Variants in MAPKAP1 observed in about 807,000 individuals in gnomAD.
The protein encoded by MAPKAP1 is target of rapamycin complex 2 subunit MAPKAP1.
Under a neutral mutation model 65.7 loss-of-function variants are expected in MAPKAP1, and 20 were observed. The ratio of observed to expected loss-of-function variants is 0.30; its 90% CI spans 0.21 to 0.44. The LOEUF is 0.44. MAPKAP1 is among the 20% of genes least tolerant of loss of function. The pLI is 1.00. For missense variants in MAPKAP1, 423 were observed against 648.0 expected, an observed-to-expected ratio of 0.65 and a Z score of 3.77; for synonymous variants, 222 against 244.3, an observed-to-expected ratio of 0.91 and a Z score of 0.85.
chr9:125,537,950 T>C (rs933002813), intron 7 of MAPKAP1, among the ~76,000 whole-genome samples: 2 of 152,156 alleles, frequency 1.3e-5, no homozygotes, highest in Non-Finnish European at 2.9e-5. Context: ...CACCTCCCCA[T>C]GGCCTTGAGT....
At chr9:125,684,987 G>C (rs1004658871) in intron 1 of MAPKAP1, among the ~76,000 whole-genome samples, 7 of 152,150 alleles carry the variant, frequency 4.6e-5, no homozygotes, top group African/African-American at 1.4e-4. Flanking sequence ...CCCTCCATGT[G>C]CCCATTTCAC....
chr9:125,441,812 T>C (rs1382019393), intron 11 of MAPKAP1, among the ~76,000 whole-genome samples: 1 of 152,090 alleles, frequency 6.6e-6, no homozygotes, highest in Non-Finnish European at 1.5e-5. Flanking sequence ...TGGATAAAAC[T>C]AAGTATTCCA....
Position 125,438,991 on chromosome 9 carries a change from G to A in MAPKAP1, c.1465C>T (p.Arg489Ter). 6 of 1,613,846 alleles carry A rather than the reference G, an allele frequency of 3.7e-6. No individual in the cohort carries two copies. Among genetic ancestry groups the A allele is most frequent in the Non-Finnish European group, 3.4e-6 (4 of 1,179,958 alleles). The change falls in exon 12 of 12, where the codon CGA becomes TGA. Residue 489 changes from arginine to a stop codon, truncating the protein, a stop_gained. Coordinates refer to ENST00000265960, the MANE Select transcript of MAPKAP1 (RefSeq NM_001006617.3). LOFTEE classifies it high-confidence loss of function. ...VLKVNYILES[R>*]ASTARADYFA... ...TAGTCAGCCCGGGCAGTGCTAGCTCGCGATTCCAGGATGTAGTTAACCTAG... is the reference window on the plus strand; with the variant it reads ...TAGTCAGCCCGGGCAGTGCTAGCTCACGATTCCAGGATGTAGTTAACCTAG...
chr9:125,553,339 C>T (rs1164017706), intron 6 of MAPKAP1, among the ~76,000 whole-genome samples: 1 of 152,126 alleles, frequency 6.6e-6, no homozygotes, highest in Non-Finnish European at 1.5e-5. Context: ...GTCAGGACTT[C>T]GAGACCAGCC....
At chr9:125,503,899 T>A in intron 8 of MAPKAP1, among the ~76,000 whole-genome samples, 2 of 130,676 alleles carry the variant, frequency 1.5e-5, no homozygotes, top group Non-Finnish European at 3.3e-5. Context: ...TTTTTTTTTT[T>A]TTTTTTTTTG....
intron 10 of MAPKAP1, among the ~76,000 whole-genome samples, chr9:125,455,938 G>A (rs527278986): frequency 7.9e-5 from 12 of 152,302 alleles, no homozygotes; most frequent in East Asian, 1.9e-4. Flanking sequence ...GTTTAGTGGC[G>A]ACAAATTATT....
chr9:125,645,766 GT>G (rs1564599324), intron 4 of MAPKAP1, among the ~76,000 whole-genome samples: 1 of 146,178 alleles, frequency 6.8e-6, no homozygotes, highest in Non-Finnish European at 1.5e-5. Context: ...AAAGTACCAA[GT>G]TTCCTTGACA....
At chr9:125,694,018 A>AT (rs950774037) in intron 1 of MAPKAP1, among the ~76,000 whole-genome samples, 1 of 151,258 alleles carries the variant, frequency 6.6e-6, no homozygotes, top group African/African-American at 2.4e-5. Flanking sequence ...TTGTATTAAA[A>AT]TTTTTTTTTA....
At chr9:125,604,376 C>G (rs545686644) in intron 4 of MAPKAP1, among the ~76,000 whole-genome samples, 19 of 152,354 alleles carry the variant, frequency 1.2e-4, no homozygotes, top group African/African-American at 4.3e-4. Context: ...CAGTAGGCAA[C>G]GGCAGTTATG....
At chr9:125,698,308 T>C (rs1341853647) in intron 1 of MAPKAP1, among the ~76,000 whole-genome samples, 1 of 50,022 alleles carries the variant, frequency 2.0e-5, no homozygotes, top group Non-Finnish European at 3.9e-5. Flanking sequence ...TATATATATA[T>C]ATATATATAT....
rs781541256 is a variant in MAPKAP1 at position 125,585,580 on chromosome 9, T to C, written c.646A>G (p.Ser216Gly). 2 of 1,614,176 alleles carry C rather than the reference T, an allele frequency of 1.2e-6. No individual in the cohort carries two copies. Among genetic ancestry groups the C allele is most frequent in the South Asian group, 1.1e-5 (1 of 91,084 alleles). ...LIGLICWQYT[S>G]EGREPKLNDN... ...TTGAGCTTCGGCTCCCGTCCTTCGC[T>C]TGTATACTGCCAGCAGATGAGCCCG... is the stretch of plus-strand genomic sequence containing the variant. Residue 216 changes from serine (S) to glycine (G), a missense_variant, in exon 5 of 12, where the codon AGC becomes GGC. Ser to Gly is a moderately conservative substitution (Grantham distance 56). Coordinates refer to ENST00000265960, the MANE Select transcript of MAPKAP1 (RefSeq NM_001006617.3).
chr9:125,623,762 G>A (rs1443140814), intron 4 of MAPKAP1, among the ~76,000 whole-genome samples: 1 of 58,432 alleles, frequency 1.7e-5, no homozygotes, highest in African/African-American at 4.3e-5. Context: ...GAGGTGGGGG[G>A]TCAGCCCCCC....
chr9:125,651,035 C>T (rs751312222), intron 4 of MAPKAP1, among the ~76,000 whole-genome samples: 2 of 152,172 alleles, frequency 1.3e-5, no homozygotes, highest in Non-Finnish European at 2.9e-5. Context: ...GGTGCAATCA[C>T]AGCTCACTGC....
intron 4 of MAPKAP1, among the ~76,000 whole-genome samples, chr9:125,600,837 A>G (rs1297132377): frequency 6.6e-6 from 1 of 152,188 alleles, no homozygotes; most frequent in African/African-American, 2.4e-5. Flanking sequence ...GTAGATCATT[A>G]ATGTTACACA....
intron 4 of MAPKAP1, among the ~76,000 whole-genome samples, chr9:125,601,797 A>G (rs1832306243): frequency 6.6e-6 from 1 of 152,240 alleles, no homozygotes; most frequent in Non-Finnish European, 1.5e-5. Flanking sequence ...AATAACTGGG[A>G]TAGTTGTTAC....
intron 4 of MAPKAP1, among the ~76,000 whole-genome samples, chr9:125,617,878 A>T (rs1462706576): frequency 6.6e-6 from 1 of 152,228 alleles, no homozygotes; most frequent in Non-Finnish European, 1.5e-5. Context: ...CTTCCTCCCA[A>T]AACGGGTGAT....
rs771625544 is a variant in MAPKAP1 at position 125,444,504 on chromosome 9, G to C, written c.1440C>G (p.Leu480=). The C allele has an allele frequency of 1.2e-6, 2 of 1,610,756 alleles. No individual in the cohort carries two copies. Among genetic ancestry groups the C allele is most frequent in the Non-Finnish European group, 1.7e-6 (2 of 1,177,548 alleles). Residue 480 remains leucine (L), a synonymous_variant, in exon 11 of 12, where the codon CTC becomes CTG. Coordinates refer to ENST00000265960, the MANE Select transcript of MAPKAP1 (RefSeq NM_001006617.3). Reference sequence around the variant, plus strand: ...TGGTTCAAGAAGGAATACTCACCTTGAGCACAATTTCATTGACGGTAGCAG... The same window carrying C: ...TGGTTCAAGAAGGAATACTCACCTTCAGCACAATTTCATTGACGGTAGCAG... The part of the protein sequence containing the change: ...SDAATVNEIV[L]KVNYILESRA...
chr9:125,637,397 T>C (rs541862764), intron 4 of MAPKAP1, among the ~76,000 whole-genome samples: 64 of 138,480 alleles, frequency 4.6e-4, no homozygotes, highest in African/African-American at 1.2e-3. Context: ...TTTGCCCTGT[T>C]TTCTAAAAAA....
chr9:125,662,819 A>G (rs1414322271), intron 3 of MAPKAP1, among the ~76,000 whole-genome samples: 1 of 152,074 alleles, frequency 6.6e-6, no homozygotes, highest in Admixed American at 6.5e-5. Context: ...TTAAAATAAT[A>G]TTAATTTTTT....
Sources: allele counts gnomAD v4.1 joint callset (sites outside exome capture counted in the v4.1 genomes callset), GRCh38; gene constraint gnomAD v4.1.1; transcripts MANE v1.5; gene names NCBI Gene and HGNC (gene_info 2026-07-23, HGNC 2026-07-21).